SIPA1L1: variants seen among roughly 807,000 people sequenced by gnomAD.
SIPA1L1 encodes the protein signal-induced proliferation-associated 1-like protein 1.
In SIPA1L1, 26 loss-of-function variants were observed where a neutral mutation model predicts 162.7. That is an observed-to-expected ratio of 0.16 (90% CI 0.12 to 0.22). The LOEUF (loss-of-function observed/expected upper bound fraction) is 0.22, where lower values mean the gene tolerates loss of function less well. Among genes scored for constraint, SIPA1L1 ranks in the 10% least tolerant of loss-of-function variants. SIPA1L1 has a pLI of 1.00. For synonymous variants in SIPA1L1, 829 were observed against 837.4 expected, an observed-to-expected ratio of 0.99 and a Z score of 0.17; for missense variants, 1,874 against 2,241.0, an observed-to-expected ratio of 0.84 and a Z score of 3.31.
At position 71,468,894 on chromosome 14, in the gene SIPA1L1, G is replaced by A. The variant is rs184122495; in HGVS notation, c.-464-43849G>A. 6.6e-5 allele frequency among the ~76,000 whole-genome samples: 10 copies of A among 152,222 alleles called. No individual in the cohort carries two copies. The East Asian group carries it at 1.9e-3, about 29-fold the overall frequency. Reference sequence around the variant, plus strand: ...AGCTTGTTATGTTCTTTGTTCTCTTGTAGGCCTAGTCATTCATTTTGGATG... The same window carrying A: ...AGCTTGTTATGTTCTTTGTTCTCTTATAGGCCTAGTCATTCATTTTGGATG... On this transcript the variant is annotated intron_variant, in intron 2 of 23. Transcript: ENST00000381232.
chr14:71,501,665 A>C (rs1428482825), intron 2 of SIPA1L1, among the ~76,000 whole-genome samples: 1 of 152,168 alleles, frequency 6.6e-6, no homozygotes, highest in Admixed American at 6.5e-5. Flanking sequence ...TCAGTTTCTG[A>C]AAGTTCTAAA....
intron 10 of SIPA1L1, among the ~76,000 whole-genome samples, chr14:71,662,663 C>T (rs117363818): frequency 1.4e-3 from 209 of 152,294 alleles, no homozygotes; most frequent in Non-Finnish European, 2.5e-3. Context: ...GCTCCCAACA[C>T]AGAGGCTGTT....
intron 2 of SIPA1L1, among the ~76,000 whole-genome samples, chr14:71,372,603 A>C (rs533618771): frequency 6.6e-6 from 1 of 152,182 alleles, no homozygotes. Context: ...GTATATTGAC[A>C]TCACATTCCT....
intron 2 of SIPA1L1, among the ~76,000 whole-genome samples, chr14:71,336,965 C>A (rs2035161406): frequency 6.6e-6 from 1 of 152,140 alleles, no homozygotes; most frequent in Non-Finnish European, 1.5e-5. Flanking sequence ...ATCTAAGCGG[C>A]TGTATCTAGG....
At chr14:71,574,171 TG>T in intron 4 of SIPA1L1, 1 of 178,990 alleles carries the variant, frequency 5.6e-6, no homozygotes, top group Non-Finnish European at 1.2e-5. Context: ...GGGGTAGGGG[TG>T]GGAGTGGAAG....
At chr14:71,354,153 A>G (rs1184665132) in intron 2 of SIPA1L1, among the ~76,000 whole-genome samples, 1 of 152,048 alleles carries the variant, frequency 6.6e-6, no homozygotes, top group Non-Finnish European at 1.5e-5. Context: ...TTTGATGTTG[A>G]TACTATTAAC....
chr14:71,733,926 C>G lies in SIPA1L1; in HGVS notation c.5008+114C>G, dbSNP rs146454535. On this transcript the variant is annotated intron_variant, in intron 21 of 23. Transcript: ENST00000381232. ...AAACATATGTGCCTCACCAGATGAG[C>G]TATCAGTTACTGAGCATTCAGTAGG... The G allele has an allele frequency of 4.5e-5, 51 of 1,125,956 alleles. No individual in the cohort carries two copies. The African/African-American group carries it at 7.6e-4, about 17-fold the overall frequency. The allele number at this position is 1,125,956 out of a possible 1,614,324, so 69.7% of individuals were successfully genotyped here. A position where few individuals can be genotyped will look rare whatever the true frequency, so the allele number is the denominator to read the frequency against.
Position 71,702,448 on chromosome 14 carries a change from A to C in SIPA1L1, c.3589A>C (p.Ser1197Arg). 2 of 1,614,210 alleles carry C rather than the reference A, an allele frequency of 1.2e-6. No individual in the cohort carries two copies. The highest frequency in any genetic ancestry group is 1.7e-6 in the Non-Finnish European group (2 of 1,179,988). Residue 1197 changes from serine (S) to arginine (R), a missense_variant, in exon 15 of 24, where the codon AGC becomes CGC. Coordinates refer to ENST00000381232, the MANE Select transcript of SIPA1L1 (RefSeq NM_001386936.1). The part of the protein sequence containing the change: ...RQNTQSDIGG[S>R]GKSTPSWQRS... ...GAACACCCAGTCAGATATTGGTGGC[A>C]GCGGAAAATCCACGCCTAGCTGGCA...
rs1397914834 is a variant in SIPA1L1 at position 71,515,585 on chromosome 14, G to C, written c.-362+2740G>C. Among the ~76,000 whole-genome samples, 5 of 152,172 alleles carry C rather than the reference G, an allele frequency of 3.3e-5. 1 individual carries two copies. The Middle Eastern group carries it at 0.01, about 311-fold the overall frequency. ...ACTTACCATCTGTTTTAAAGATTTC[G>C]TACATACTGTAACCCACATAATATG... On this transcript the variant is annotated intron_variant, in intron 3 of 23. Coordinates refer to ENST00000381232, the MANE Select transcript of SIPA1L1 (RefSeq NM_001386936.1).
chr14:71,459,211 G>T (rs551920160), intron 2 of SIPA1L1, among the ~76,000 whole-genome samples: 13 of 152,306 alleles, frequency 8.5e-5, no homozygotes, highest in African/African-American at 3.1e-4. Context: ...GAGGTTTATA[G>T]TCACACACTT....
chr14:71,376,295 T>C (rs2039364782), intron 2 of SIPA1L1, among the ~76,000 whole-genome samples: 1 of 152,114 alleles, frequency 6.6e-6, no homozygotes, highest in South Asian at 2.1e-4. Flanking sequence ...CCATTTCATG[T>C]AAGTTGTTGA....
intron 2 of SIPA1L1, among the ~76,000 whole-genome samples, chr14:71,493,001 T>C (rs770542341): frequency 3.3e-5 from 5 of 152,306 alleles, no homozygotes; most frequent in East Asian, 1.9e-4. Context: ...CTTTTACTTA[T>C]GTAACTGTTC....
chr14:71,336,960 A>C (rs921364727), intron 2 of SIPA1L1, among the ~76,000 whole-genome samples: 10 of 152,032 alleles, frequency 6.6e-5, no homozygotes, highest in Admixed American at 3.9e-4. Context: ...CCTGTATCTA[A>C]GCGGCTGTAT....
intron 7 of SIPA1L1, among the ~76,000 whole-genome samples, chr14:71,628,294 G>A (rs1277878875): frequency 6.6e-6 from 1 of 152,164 alleles, no homozygotes; most frequent in Non-Finnish European, 1.5e-5. Flanking sequence ...CTCTGTGCAA[G>A]GGGAATGAAA....
At chr14:71,678,495 T>C (rs1036872329) in intron 12 of SIPA1L1, among the ~76,000 whole-genome samples, 10 of 152,310 alleles carry the variant, frequency 6.6e-5, no homozygotes, top group African/African-American at 2.4e-4. Flanking sequence ...TGAAGCCCAC[T>C]TGATCATGGT....
intron 22 of SIPA1L1, among the ~76,000 whole-genome samples, chr14:71,736,784 T>C (rs2085332908): frequency 1.3e-5 from 2 of 152,306 alleles, no homozygotes; most frequent in South Asian, 4.1e-4. Flanking sequence ...GAAAGGATTA[T>C]TAAAAAATCA....
intron 5 of SIPA1L1, among the ~76,000 whole-genome samples, chr14:71,590,038 AAAAAAAATATATATAT>A (rs1348685252): frequency 2.4e-3 from 166 of 68,070 alleles, no homozygotes; most frequent in African/African-American, 7.7e-3. Flanking sequence ...AAAAAAAAAA[AAAAAAAATATATATAT>A]ATATATATAT....
intron 13 of SIPA1L1, among the ~76,000 whole-genome samples, chr14:71,691,567 G>A (rs769706644): frequency 2.0e-5 from 3 of 152,128 alleles, no homozygotes; most frequent in Admixed American, 1.3e-4. Context: ...CACTTCAGCC[G>A]GGGTAACAGA....
intron 2 of SIPA1L1, among the ~76,000 whole-genome samples, chr14:71,340,226 A>G (rs914466906): frequency 1.2e-4 from 19 of 152,024 alleles, no homozygotes; most frequent in African/African-American, 4.6e-4. Context: ...TTGTGCCCAA[A>G]TGGAAAGTCA....
Sources: gnomAD v4.1 joint callset for allele counts (sites outside exome capture counted in the v4.1 genomes callset) on GRCh38, gnomAD v4.1.1 for gene constraint, MANE v1.5 for transcripts, NCBI Gene and HGNC (gene_info 2026-07-23, HGNC 2026-07-21) for gene names.